Variants in MLLT10 observed in about 807,000 individuals in gnomAD.
The protein encoded by MLLT10 is MLLT10 histone lysine methyltransferase DOT1L cofactor.
Under a neutral mutation model 129.1 loss-of-function variants are expected in MLLT10, and 30 were observed. The ratio of observed to expected loss-of-function variants is 0.23; its 90% CI spans 0.17 to 0.32. The LOEUF is 0.32. Ranked by LOEUF, MLLT10 falls within the 10% of genes least tolerant of loss-of-function variation. The pLI is 1.00. For missense variants in MLLT10, 1,119 were observed against 1,268.3 expected (o/e 0.88, Z 1.79); for synonymous variants, 490 against 446.4 (o/e 1.10, Z -1.23).
intron 3 of MLLT10, among the ~76,000 whole-genome samples, chr10:21,561,273 G>T: frequency 6.6e-6 from 1 of 152,100 alleles, no homozygotes; most frequent in Non-Finnish European, 1.5e-5. Flanking sequence ...TTGAGACGGA[G>T]CCTTGCTCTG....
chr10:21,649,634 A>G (rs2048830262), intron 8 of MLLT10, among the ~76,000 whole-genome samples: 2 of 152,208 alleles, frequency 1.3e-5, no homozygotes, highest in South Asian at 2.1e-4. Flanking sequence ...GCTGCTGGCT[A>G]TAGGCTAGAG....
At chr10:21,701,710 C>T (rs1307099777) in intron 13 of MLLT10, among the ~76,000 whole-genome samples, 1 of 152,024 alleles carries the variant, frequency 6.6e-6, no homozygotes, top group African/African-American at 2.4e-5. Flanking sequence ...CCTCAGCCTC[C>T]TGAGTAGCTG....
At chr10:21,628,701 A>G (rs369579373) in intron 8 of MLLT10, among the ~76,000 whole-genome samples, 2 of 150,036 alleles carry the variant, frequency 1.3e-5, no homozygotes, top group African/African-American at 4.9e-5. Flanking sequence ...TTGGCCTCCC[A>G]AAGTGCTGGG....
At chr10:21,591,011 G>A (rs2042438778) in intron 4 of MLLT10, among the ~76,000 whole-genome samples, 1 of 151,904 alleles carries the variant, frequency 6.6e-6, no homozygotes, top group South Asian at 2.1e-4. Context: ...CCTCTCTATT[G>A]CTTTTATTGA....
At chr10:21,554,587 G>A (rs1479887206) in intron 3 of MLLT10, among the ~76,000 whole-genome samples, 1 of 151,394 alleles carries the variant, frequency 6.6e-6, no homozygotes, top group Non-Finnish European at 1.5e-5. Context: ...CCAGGTAGCT[G>A]GGATTACAGA....
At chr10:21,584,679 C>T (rs1450469845) in intron 3 of MLLT10, among the ~76,000 whole-genome samples, 2 of 151,294 alleles carry the variant, frequency 1.3e-5, no homozygotes, top group African/African-American at 4.9e-5. Context: ...TTTTCTACTC[C>T]AATTTTTTGT....
Position 21,651,677 on chromosome 10 carries a change from A to G in MLLT10, c.704A>G (p.Tyr235Cys), listed in dbSNP as rs981780966. 2 of 1,611,690 alleles carry G rather than the reference A, an allele frequency of 1.2e-6. No individual in the cohort carries two copies. The highest frequency in any genetic ancestry group is 1.7e-6 in the Non-Finnish European group (2 of 1,178,418). The stretch of plus-strand genomic sequence containing the variant: ...TTTACTTATATTCGTTTTTAGAAAT[A>G]TAAAGAGAAGGACAAACACAAACAG... ...DKHHEKEKKKYKEKDKHKQKH... is the reference protein window; with the variant it reads ...DKHHEKEKKKCKEKDKHKQKH... The change falls in exon 9 of 23, where the codon TAT (tyrosine) becomes TGT (cysteine). Residue 235 changes from tyrosine to cysteine, a missense_variant. By Grantham distance (194) the Tyr-to-Cys change is radical. Transcript: ENST00000307729.
chr10:21,696,652 A>G (rs2054391086), intron 13 of MLLT10, among the ~76,000 whole-genome samples: 1 of 152,100 alleles, frequency 6.6e-6, no homozygotes, highest in Non-Finnish European at 1.5e-5. Flanking sequence ...TATGCTTAGC[A>G]TGTGTGTCCA....
intron 11 of MLLT10, among the ~76,000 whole-genome samples, chr10:21,676,682 C>G (rs2052170368): frequency 8.1e-6 from 1 of 123,430 alleles, no homozygotes; most frequent in East Asian, 2.5e-4. Context: ...GATCGGGCCA[C>G]TGCACTCCAG....
At chr10:21,632,855 G>T (rs2047125407) in intron 8 of MLLT10, among the ~76,000 whole-genome samples, 1 of 152,026 alleles carries the variant, frequency 6.6e-6, no homozygotes, top group African/African-American at 2.4e-5. Flanking sequence ...TTCATTTTAT[G>T]TGCCACTAAG....
At chr10:21,585,052 G>C (rs1229187431) in intron 3 of MLLT10, among the ~76,000 whole-genome samples, 1 of 151,864 alleles carries the variant, frequency 6.6e-6, no homozygotes, top group African/African-American at 2.4e-5. Flanking sequence ...TGAGTAGCTG[G>C]TACTACAGGT....
chr10:21,591,828 G>C (rs1395096416), intron 4 of MLLT10, among the ~76,000 whole-genome samples: 3 of 151,604 alleles, frequency 2.0e-5, no homozygotes, highest in Non-Finnish European at 2.9e-5. Flanking sequence ...GGTTCAAGCA[G>C]TCCTGCCTCA....
intron 3 of MLLT10, among the ~76,000 whole-genome samples, chr10:21,547,462 T>C (rs1189547282): frequency 1.3e-5 from 2 of 151,570 alleles, no homozygotes; most frequent in East Asian, 1.9e-4. Context: ...TCTGGAACTC[T>C]TGGGCTCATG....
intron 11 of MLLT10, among the ~76,000 whole-genome samples, chr10:21,680,916 A>G (rs2052671160): frequency 6.6e-6 from 1 of 151,978 alleles, no homozygotes; most frequent in African/African-American, 2.4e-5. Context: ...AGCTTGCGCC[A>G]CTGCACTCCA....
intron 13 of MLLT10, among the ~76,000 whole-genome samples, chr10:21,704,891 TG>T (rs2055344918): frequency 6.6e-6 from 1 of 152,186 alleles, no homozygotes; most frequent in Non-Finnish European, 1.5e-5. Context: ...GAGGCAGTGG[TG>T]AAGTTTTGCT....
intron 13 of MLLT10, among the ~76,000 whole-genome samples, chr10:21,706,541 G>A (rs549541184): frequency 5.3e-5 from 8 of 152,216 alleles, no homozygotes; most frequent in Non-Finnish European, 7.3e-5. Context: ...CGGGATGTGG[G>A]TTAGGGATAA....
chr10:21,718,887 C>G (rs1680929565), intron 14 of MLLT10, among the ~76,000 whole-genome samples: 1 of 152,146 alleles, frequency 6.6e-6, no homozygotes, highest in Admixed American at 6.5e-5. Flanking sequence ...CCACGCCTGG[C>G]TAATTTTTGT....
chr10:21,617,914 C>G (rs1165430206), intron 8 of MLLT10, among the ~76,000 whole-genome samples: 2 of 151,896 alleles, frequency 1.3e-5, no homozygotes, highest in African/African-American at 2.4e-5. Flanking sequence ...TCCCAACTAC[C>G]CAGGAGGCTG....
At chr10:21,709,674 A>G (rs1215529584) in intron 13 of MLLT10, among the ~76,000 whole-genome samples, 1 of 152,210 alleles carries the variant, frequency 6.6e-6, no homozygotes, top group East Asian at 1.9e-4. Context: ...AAGTTTATAA[A>G]TAATCACTGC....
Sources: gnomAD v4.1 joint callset for allele counts (sites outside exome capture counted in the v4.1 genomes callset) on GRCh38, gnomAD v4.1.1 for gene constraint, MANE v1.5 for transcripts, NCBI Gene and HGNC (gene_info 2026-07-23, HGNC 2026-07-21) for gene names.